The following CPSF7 variants were observed in gnomAD, a reference collection of about 807,000 sequenced individuals.
CPSF7 encodes cleavage and polyadenylation specificity factor subunit 7.
CPSF7 carries 1 observed loss-of-function variant against 44.3 expected under a neutral mutation model. The observed-to-expected ratio is 0.02, with a 90% CI of 0.01 to 0.11. The LOEUF (loss-of-function observed/expected upper bound fraction) is 0.11. Ranked by LOEUF, CPSF7 falls within the 10% of genes least tolerant of loss-of-function variation. The pLI is 1.00. For missense variants in CPSF7, 443 were observed against 607.2 expected (o/e 0.73, Z 2.84); for synonymous variants, 202 against 222.0 (o/e 0.91, Z 0.80).
chr11:61,415,705 T>A lies in CPSF7; in HGVS notation c.1018A>T (p.Ser340Cys), dbSNP rs1860260986. The A allele has an allele frequency of 6.2e-7, 1 of 1,614,020 alleles. No homozygotes were observed. ...GATACTGCTTTGGAAATGGCACTGCTGGAAATTGCTCTGTTTCGCTTCATG... is the reference window on the plus strand; with the variant it reads ...GATACTGCTTTGGAAATGGCACTGCAGGAAATTGCTCTGTTTCGCTTCATG... ...DIMKRNRAISSSAISKAVSGA... is the reference protein window; with the variant it reads ...DIMKRNRAISCSAISKAVSGA... Residue 340 changes from serine (S) to cysteine (C), a missense_variant, in exon 7 of 10, where the codon AGC (serine) becomes TGC (cysteine). By Grantham distance (112) the Ser-to-Cys change is moderately radical. Transcript: ENST00000439958.
intron 9 of CPSF7, among the ~76,000 whole-genome samples, chr11:61,408,714 C>T (rs1428321032): frequency 6.6e-6 from 1 of 152,130 alleles, no homozygotes; most frequent in African/African-American, 2.4e-5. Context: ...GACTCCCTAC[C>T]AATATGGAGC....
At chr11:61,412,391 G>A (rs1039694850) in intron 7 of CPSF7, among the ~76,000 whole-genome samples, 16 of 151,238 alleles carry the variant, frequency 1.1e-4, no homozygotes, top group Non-Finnish European at 4.4e-5. Flanking sequence ...CCAGGTTCAC[G>A]CCATCCTCCT....
intron 5 of CPSF7, among the ~76,000 whole-genome samples, chr11:61,419,649 G>T (rs1235383384): frequency 6.6e-6 from 1 of 152,178 alleles, no homozygotes; most frequent in Non-Finnish European, 1.5e-5. Context: ...CATGTCACTA[G>T]TCCAGATGGG....
intron 2 of CPSF7, 26 bp downstream of exon 2, chr11:61,429,156 T>C (rs1323600705): frequency 1.5e-6 from 2 of 1,361,922 alleles, no homozygotes; most frequent in East Asian, 2.3e-5. Flanking sequence ...TCAAGGAAAA[T>C]CCCAAAGCTC....
At chr11:61,412,804 C>T in intron 7 of CPSF7, among the ~76,000 whole-genome samples, 1 of 152,256 alleles carries the variant, frequency 6.6e-6, no homozygotes, top group Middle Eastern at 3.4e-3. Context: ...AATAGGTGTC[C>T]AGAATATACT....
chr11:61,405,838 G>A (rs1158306282), intron 9 of CPSF7: 1 of 152,088 alleles, frequency 6.6e-6, no homozygotes, highest in Non-Finnish European at 1.5e-5. Flanking sequence ...TATGGCCTAA[G>A]CCTTCCTGGC....
chr11:61,420,128 T>C (rs1860730100), intron 4 of CPSF7, 34 bp from the exon 5 acceptor site: 2 of 1,535,382 alleles, frequency 1.3e-6, no homozygotes, highest in African/African-American at 1.4e-5. Context: ...GAATGAAATC[T>C]GTAGACAGCC....
Position 61,429,263 on chromosome 11 carries a change from G to A in CPSF7, c.-28C>T. On this transcript the variant is annotated 5_prime_UTR_variant, in exon 2 of 10. Transcript: ENST00000439958. ...CTCCGGAAGGAAGATCGCGAGTCCGGAGGATGGACAAAGTAAGGAAGATGC... is the reference window on the plus strand; with the variant it reads ...CTCCGGAAGGAAGATCGCGAGTCCGAAGGATGGACAAAGTAAGGAAGATGC... The A allele has an allele frequency of 6.2e-7, 1 of 1,613,176 alleles. No homozygotes were observed. Among genetic ancestry groups the A allele is most frequent in the Non-Finnish European group, 8.5e-7 (1 of 1,179,192 alleles).
intron 9 of CPSF7, among the ~76,000 whole-genome samples, chr11:61,406,872 T>C (rs527462928): frequency 2.0e-5 from 3 of 152,138 alleles, no homozygotes; most frequent in Non-Finnish European, 2.9e-5. Flanking sequence ...TGCCCCCAAG[T>C]AGCTGGGACT....
At chr11:61,415,823 CTTA>C (rs1860274966) in intron 6 of CPSF7, 39 bp from the exon 7 acceptor site, 1 of 1,390,880 alleles carries the variant, frequency 7.2e-7, no homozygotes. Flanking sequence ...GCTCACATCC[CTTA>C]TTATTTTTAC....
At position 61,411,882 on chromosome 11, in the gene CPSF7, C is replaced by T; in HGVS notation, c.1113G>A (p.Gln371=). 6.2e-7 allele frequency: 1 copy of T among 1,614,226 alleles called. No individual in the cohort carries two copies. Among genetic ancestry groups the T allele is most frequent in the Non-Finnish European group, 8.5e-7 (1 of 1,180,036 alleles). Residue 371 remains glutamine (Q), a synonymous_variant, in exon 8 of 10, where the codon CAG becomes CAA. Transcript: ENST00000439958. Reference sequence around the variant, plus strand: ...AACGCTCATCATTGGCAACCCGGGACTGTTTGATAACCGCAATGGCTGTGA... The same window carrying T: ...AACGCTCATCATTGGCAACCCGGGATTGTTTGATAACCGCAATGGCTGTGA... ...TLLTAIAVIK[Q]SRVANDERCR...
rs1166037470 is a variant in CPSF7 at position 61,403,734 on chromosome 11, T to C, written c.*976A>G. The C allele has an allele frequency of 6.6e-6, 1 of 152,286 alleles. No individual in the cohort carries two copies. The highest frequency in any genetic ancestry group is 1.9e-4 in the East Asian group (1 of 5,202). 9.4% of individuals were successfully genotyped at this position (152,286 alleles called of 1,614,324 possible). ...AAGCCTATGGAAGTAGGCCATATCC[T>C]GCCCAACTTGCTTCTTTCCCCATTC... On this transcript the variant is annotated 3_prime_UTR_variant, in exon 10 of 10. Transcript: ENST00000439958.
intron 5 of CPSF7, among the ~76,000 whole-genome samples, chr11:61,419,148 G>A (rs776568781): frequency 4.6e-5 from 7 of 152,084 alleles, no homozygotes; most frequent in South Asian, 2.1e-4. Context: ...TCAGTCTCCC[G>A]TGTAGCTGGG....
intron 7 of CPSF7, 120 bp downstream of exon 7, chr11:61,415,546 G>A (rs1002746143): frequency 1.5e-5 from 10 of 680,672 alleles, no homozygotes; most frequent in African/African-American, 3.6e-5. Context: ...AAAGTATGCC[G>A]CTCTTGATAT....
At position 61,429,301 on chromosome 11, in the gene CPSF7, C is replaced by G. The variant is rs760221136; in HGVS notation, c.-55-11G>C. 6 of 1,543,974 alleles carry G rather than the reference C, an allele frequency of 3.9e-6. No homozygotes were observed. Among genetic ancestry groups the G allele is most frequent in the Non-Finnish European group, 5.4e-6 (6 of 1,116,422 alleles). ...GTAAGGAAGATGCCACTGCGGGATTCGGAAAAATGCAAGAATTAGAAGGCA... is the reference window on the plus strand; with the variant it reads ...GTAAGGAAGATGCCACTGCGGGATTGGGAAAAATGCAAGAATTAGAAGGCA... On this transcript the variant is annotated splice_polypyrimidine_tract_variant and intron_variant, in intron 1 of 9. Transcript: ENST00000439958.
At position 61,420,577 on chromosome 11, in the gene CPSF7, G is replaced by C; in HGVS notation, c.274-4C>G. The C allele has an allele frequency of 6.2e-7, 1 of 1,611,384 alleles. No homozygotes were observed. The highest frequency in any genetic ancestry group is 1.1e-5 in the South Asian group (1 of 91,008). ...TCAGCTGCTGGTCTGTGGTCCACTG[G>C]GGCCGGCAAGATGGAAAAGGAAGAG... is the stretch of plus-strand genomic sequence containing the variant. On this transcript the variant is annotated splice_region_variant and splice_polypyrimidine_tract_variant and intron_variant, in intron 3 of 9. Coordinates refer to ENST00000439958, the MANE Select transcript of CPSF7 (RefSeq NM_001142565.3).
At position 61,408,644 on chromosome 11, in the gene CPSF7, T is replaced by C. The variant is rs558559971; in HGVS notation, c.*5+2294A>G. ...AATAGAAACAATCTTTCCAGAAGTTTTCCTTCAGTTGGGATTGCTAAGCTG... is the reference window on the plus strand; with the variant it reads ...AATAGAAACAATCTTTCCAGAAGTTCTCCTTCAGTTGGGATTGCTAAGCTG... On this transcript the variant is annotated intron_variant, in intron 9 of 9. Transcript: ENST00000439958. 3.9e-5 allele frequency among the ~76,000 whole-genome samples: 6 copies of C among 152,298 alleles called. No homozygotes were observed. The South Asian group carries it at 1.0e-3, about 26-fold the overall frequency.
At chr11:61,407,762 T>C (rs1245304959) in intron 9 of CPSF7, among the ~76,000 whole-genome samples, 1 of 152,226 alleles carries the variant, frequency 6.6e-6, no homozygotes, top group African/African-American at 2.4e-5. Flanking sequence ...TTCCTGGCTA[T>C]AAATCTATTT....
chr11:61,417,748 CAGTT>C (rs1418030827), intron 5 of CPSF7, among the ~76,000 whole-genome samples: 2 of 152,208 alleles, frequency 1.3e-5, no homozygotes, highest in Non-Finnish European at 2.9e-5. Flanking sequence ...TGTCATCTGA[CAGTT>C]AACCACTTTC....
Sources: allele counts gnomAD v4.1 joint callset (sites outside exome capture counted in the v4.1 genomes callset), GRCh38; gene constraint gnomAD v4.1.1; transcripts MANE v1.5; gene names NCBI Gene and HGNC (gene_info 2026-07-23, HGNC 2026-07-21).